Variants in TNS3 observed in about 807,000 individuals in gnomAD.
TNS3 encodes tensin-3.
In TNS3, 45 loss-of-function variants were observed where a neutral mutation model predicts 140.9. The observed-to-expected ratio is 0.32, with a 90% CI of 0.25 to 0.41. The LOEUF is 0.41. Among genes scored for constraint, TNS3 ranks in the 10% least tolerant of loss-of-function variants. The pLI is 1.00. For synonymous variants in TNS3, 815 were observed against 788.4 expected, an observed-to-expected ratio of 1.03 and a Z score of -0.56; for missense variants, 1,716 against 1,906.7, an observed-to-expected ratio of 0.90 and a Z score of 1.86.
At chr7:47,338,859 G>A (rs1348831824) in intron 20 of TNS3, among the ~76,000 whole-genome samples, 1 of 152,124 alleles carries the variant, frequency 6.6e-6, no homozygotes, top group African/African-American at 2.4e-5. Flanking sequence ...TGTATATCCG[G>A]TAATGGGACT....
chr7:47,580,069 T>C (rs1324243053), intron 1 of TNS3, among the ~76,000 whole-genome samples: 1 of 152,272 alleles, frequency 6.6e-6, no homozygotes, highest in East Asian at 1.9e-4. Flanking sequence ...AGTTTTTCTA[T>C]CTTGGTAGTT....
intron 4 of TNS3, among the ~76,000 whole-genome samples, chr7:47,457,592 T>A (rs949183004): frequency 6.6e-6 from 1 of 152,254 alleles, no homozygotes. Flanking sequence ...ACCCAAGCTA[T>A]CAAAAACCCA....
intron 2 of TNS3, among the ~76,000 whole-genome samples, chr7:47,526,047 G>A (rs1450479301): frequency 2.6e-5 from 4 of 152,232 alleles, no homozygotes; most frequent in South Asian, 2.1e-4. Flanking sequence ...GCTCCCCGCC[G>A]TCCAAGACGT....
chr7:47,389,442 C>T (rs1792380049), intron 16 of TNS3, among the ~76,000 whole-genome samples: 1 of 152,188 alleles, frequency 6.6e-6, no homozygotes, highest in African/African-American at 2.4e-5. Flanking sequence ...TGCTACTTAA[C>T]TATTAAGGCC....
intron 15 of TNS3, among the ~76,000 whole-genome samples, chr7:47,397,217 G>A (rs1352489712): frequency 6.6e-6 from 1 of 152,152 alleles, no homozygotes; most frequent in Non-Finnish European, 1.5e-5. Context: ...CAGAGGCCCG[G>A]TAAGCTGTCT....
At chr7:47,394,661 A>T in intron 16 of TNS3, among the ~76,000 whole-genome samples, 1 of 152,314 alleles carries the variant, frequency 6.6e-6, no homozygotes, top group East Asian at 1.9e-4. Flanking sequence ...ACATGTATGG[A>T]TCTATACACA....
intron 1 of TNS3, among the ~76,000 whole-genome samples, chr7:47,580,122 G>C (rs551006762): frequency 6.6e-6 from 1 of 152,334 alleles, no homozygotes; most frequent in South Asian, 2.1e-4. Context: ...AGCTATGGCA[G>C]CCTCAGCTGA....
chr7:47,467,417 T>C (rs1796765746), intron 4 of TNS3, among the ~76,000 whole-genome samples: 1 of 152,272 alleles, frequency 6.6e-6, no homozygotes, highest in Non-Finnish European at 1.5e-5. Flanking sequence ...TTTTTCTTTT[T>C]AATTTTTTAA....
At chr7:47,281,807 G>T (rs1785158911) in intron 28 of TNS3, among the ~76,000 whole-genome samples, 1 of 152,174 alleles carries the variant, frequency 6.6e-6, no homozygotes, top group Non-Finnish European at 1.5e-5. Flanking sequence ...GGGCAGCAGG[G>T]AGGAGGGAAC....
intron 17 of TNS3, among the ~76,000 whole-genome samples, chr7:47,355,692 C>G (rs573600130): frequency 6.6e-6 from 1 of 152,308 alleles, no homozygotes; most frequent in East Asian, 1.9e-4. Context: ...TCCAAATACA[C>G]TGAACTCCCA....
At chr7:47,376,444 G>C (rs535030303) in intron 16 of TNS3, among the ~76,000 whole-genome samples, 1 of 152,230 alleles carries the variant, frequency 6.6e-6, no homozygotes, top group South Asian at 2.1e-4. Flanking sequence ...CTAAAGACAA[G>C]GCCACCGTGC....
chr7:47,490,105 A>G (rs1797756506), intron 3 of TNS3, among the ~76,000 whole-genome samples: 1 of 152,254 alleles, frequency 6.6e-6, no homozygotes, highest in African/African-American at 2.4e-5. Flanking sequence ...GGTAGTATTG[A>G]GTTGATGAAC....
At chr7:47,393,828 G>A (rs547341739) in intron 16 of TNS3, among the ~76,000 whole-genome samples, 2 of 152,234 alleles carry the variant, frequency 1.3e-5, no homozygotes, top group East Asian at 1.9e-4. Flanking sequence ...ACTCTTTCCC[G>A]GGTGTCCTTC....
At chr7:47,493,392 T>C (rs1256425734) in intron 3 of TNS3, among the ~76,000 whole-genome samples, 3 of 152,188 alleles carry the variant, frequency 2.0e-5, no homozygotes, top group Admixed American at 1.3e-4. Flanking sequence ...CAACAGTTAT[T>C]CAGGGAAGAA....
At chr7:47,349,694 C>T (rs1451768939) in intron 17 of TNS3, among the ~76,000 whole-genome samples, 1 of 152,218 alleles carries the variant, frequency 6.6e-6, no homozygotes, top group East Asian at 1.9e-4. Flanking sequence ...TCCTCTCGGA[C>T]TGCAAACCTT....
Position 47,492,250 on chromosome 7 carries a change from C to T in TNS3, c.-114-11109G>A, listed in dbSNP as rs942241671. Among the ~76,000 whole-genome samples, 10 of 152,356 alleles carry T rather than the reference C, an allele frequency of 6.6e-5. No individual in the cohort carries two copies. In the South Asian group the frequency reaches 1.2e-3, roughly 19 times the overall value. On this transcript the variant is annotated intron_variant, in intron 3 of 30. Coordinates refer to ENST00000311160, the MANE Select transcript of TNS3 (RefSeq NM_022748.12). ...CCACAGTGGGGGCAGCCCCTCACCA[C>T]AGCTCTCTGTTTGGCCAGCAGCAGG... is the stretch of plus-strand genomic sequence containing the variant.
chr7:47,398,282 A>C (rs1179892168), intron 15 of TNS3, among the ~76,000 whole-genome samples: 1 of 152,196 alleles, frequency 6.6e-6, no homozygotes, highest in East Asian at 1.9e-4. Context: ...AAGACTGAGA[A>C]AGAGGAATTG....
chr7:47,293,336 C>T lies in TNS3; in HGVS notation c.3772+397G>A, dbSNP rs575046135. On this transcript the variant is annotated intron_variant, in intron 25 of 30. Transcript: ENST00000311160. ...GCTCAAGTCATCTTTCCAACAAGCT[C>T]GTGAGGTAGGGAAGGCTCCCAATTT... 2.2e-4 allele frequency among the ~76,000 whole-genome samples: 34 copies of T among 152,238 alleles called. 1 individual carries two copies. The South Asian group carries it at 6.9e-3, about 31-fold the overall frequency.
At chr7:47,510,004 A>C (rs1584791683) in intron 2 of TNS3, among the ~76,000 whole-genome samples, 1 of 152,190 alleles carries the variant, frequency 6.6e-6, no homozygotes, top group African/African-American at 2.4e-5. Context: ...TCAGCACCTA[A>C]AAGTTTGAAC....
Sources: gnomAD v4.1 joint callset for allele counts (sites outside exome capture counted in the v4.1 genomes callset) on GRCh38, gnomAD v4.1.1 for gene constraint, MANE v1.5 for transcripts, NCBI Gene and HGNC (gene_info 2026-07-23, HGNC 2026-07-21) for gene names.